Variants in PTPRK observed in about 807,000 individuals in gnomAD.
PTPRK encodes protein tyrosine phosphatase receptor type K, also known as receptor-type tyrosine-protein phosphatase kappa.
In PTPRK, 75 loss-of-function variants were observed where a neutral mutation model predicts 178.0. The ratio of observed to expected loss-of-function variants is 0.42; its 90% confidence interval spans 0.35 to 0.51. PTPRK has a LOEUF of 0.51. PTPRK is among the 20% of genes least tolerant of loss of function. PTPRK has a pLI of 0.02. For synonymous variants in PTPRK, 637 were observed against 620.6 expected (o/e 1.03, Z -0.39); for missense variants, 1,441 against 1,797.8 (o/e 0.80, Z 3.59).
rs138897398 is a variant in PTPRK, at chr6:128,210,116, G to T, written c.868+8806C>A. ...TATAGAAGTACACGAAAGAGAAGAT[G>T]GTGACAGAGACAAGTGGTGGCAGTG... On this transcript the variant is annotated intron_variant, in intron 6 of 29. Coordinates refer to ENST00000368226, the MANE Select transcript of PTPRK (RefSeq NM_002844.4). Among the ~76,000 whole-genome samples, 7 of 152,194 alleles carry T rather than the reference G, an allele frequency of 4.6e-5. No homozygotes were observed. In the East Asian group the frequency reaches 9.7e-4, roughly 21 times the overall value.
At chr6:128,062,004 T>C (rs1780920593) in intron 13 of PTPRK, 1 of 152,214 alleles carries the variant, frequency 6.6e-6, no homozygotes, top group African/African-American at 2.4e-5. Context: ...AGAAGGTTCC[T>C]TCATGCCTCT....
intron 2 of PTPRK, among the ~76,000 whole-genome samples, chr6:128,374,051 T>C (rs540800969): frequency 1.1e-4 from 16 of 152,294 alleles, no homozygotes; most frequent in African/African-American, 3.8e-4. Context: ...GTTTGTTATT[T>C]ATTTTCCTTC....
intron 1 of PTPRK, among the ~76,000 whole-genome samples, chr6:128,465,485 T>C (rs1849728654): frequency 2.0e-5 from 3 of 152,124 alleles, no homozygotes; most frequent in Non-Finnish European, 2.9e-5. Flanking sequence ...TCATATACCA[T>C]GTTTAAAAAA....
rs1784967231 is a variant in PTPRK at position 128,082,310 on chromosome 6, T to C, written c.1777+127A>G. 6 of 816,000 alleles carry C rather than the reference T, an allele frequency of 7.4e-6. 1 individual carries two copies. In the East Asian group the frequency reaches 1.5e-4, roughly 21 times the overall value. 50.5% of individuals were successfully genotyped at this position (816,000 alleles called of 1,614,324 possible). A position where few individuals can be genotyped will look rare whatever the true frequency, so the allele number is the denominator to read the frequency against. ...TAATTATTTAAAGTGCTTTCATTTA[T>C]GCATAACTATATTAAAGGTTCAACA... is the stretch of plus-strand genomic sequence containing the variant. On this transcript the variant is annotated intron_variant, in intron 10 of 29. Transcript: ENST00000368226.
At chr6:128,191,054 T>C (rs1317766709) in intron 6 of PTPRK, among the ~76,000 whole-genome samples, 1 of 152,066 alleles carries the variant, frequency 6.6e-6, no homozygotes, top group Non-Finnish European at 1.5e-5. Flanking sequence ...CTTACAATAT[T>C]TCACACACGA....
At chr6:128,501,864 T>A (rs1301826285) in intron 1 of PTPRK, among the ~76,000 whole-genome samples, 1 of 152,194 alleles carries the variant, frequency 6.6e-6, no homozygotes, top group Non-Finnish European at 1.5e-5. Flanking sequence ...TGAAAAAACA[T>A]GCTTTATATT....
Position 128,341,164 on chromosome 6 carries a change from T to C in PTPRK, c.224-18854A>G, listed in dbSNP as rs539523400. ...TTTTTTTTCTATATGTACTCTAAAA[T>C]GTGATACAGTTCACCCTTTCACTTA... is the stretch of plus-strand genomic sequence containing the variant. On this transcript the variant is annotated intron_variant, in intron 2 of 29. Coordinates refer to ENST00000368226, the MANE Select transcript of PTPRK (RefSeq NM_002844.4). Among the ~76,000 whole-genome samples, 46 of 152,240 alleles carry C rather than the reference T, an allele frequency of 3.0e-4. 1 individual carries two copies. The highest frequency in any genetic ancestry group is 1.1e-3 in the African/African-American group (46 of 41,558).
chr6:128,505,936 T>C (rs1389306665), intron 1 of PTPRK, among the ~76,000 whole-genome samples: 3 of 152,140 alleles, frequency 2.0e-5, no homozygotes, highest in Non-Finnish European at 4.4e-5. Context: ...GTCTTGGGGT[T>C]CAAATAGATT....
chr6:128,504,812 T>C (rs1856087165), intron 1 of PTPRK, among the ~76,000 whole-genome samples: 1 of 152,206 alleles, frequency 6.6e-6, no homozygotes, highest in Non-Finnish European at 1.5e-5. Flanking sequence ...TTAAGTATAC[T>C]ACTATCTAGT....
At chr6:128,334,023 A>G (rs916778785) in intron 2 of PTPRK, among the ~76,000 whole-genome samples, 1 of 152,136 alleles carries the variant, frequency 6.6e-6, no homozygotes, top group African/African-American at 2.4e-5. Context: ...AGGAAGAAAG[A>G]CGGGAACAGC....
intron 9 of PTPRK, 68 bp from the exon 10 acceptor site, chr6:128,082,706 TA>T: frequency 8.0e-7 from 1 of 1,247,298 alleles, no homozygotes; most frequent in Non-Finnish European, 1.1e-6. Flanking sequence ...AAACTCTGTA[TA>T]AATAAGGTAG....
intron 7 of PTPRK, among the ~76,000 whole-genome samples, chr6:128,111,904 A>C (rs1790728808): frequency 6.6e-6 from 1 of 152,060 alleles, no homozygotes; most frequent in African/African-American, 2.4e-5. Flanking sequence ...CCAGAACCTA[A>C]CATGATATCT....
chr6:128,462,949 G>A (rs866934480), intron 1 of PTPRK, among the ~76,000 whole-genome samples: 15 of 152,112 alleles, frequency 9.9e-5, no homozygotes, highest in African/African-American at 2.9e-4. Context: ...GGGAGCCACC[G>A]TGCCCAGTCA....
intron 1 of PTPRK, among the ~76,000 whole-genome samples, chr6:128,477,126 G>A (rs2128421569): frequency 6.6e-6 from 1 of 152,156 alleles, no homozygotes; most frequent in East Asian, 1.9e-4. Context: ...TTTAGAAAAA[G>A]TAACAAATTT....
At chr6:128,348,841 T>G (rs1832757363) in intron 2 of PTPRK, among the ~76,000 whole-genome samples, 1 of 151,998 alleles carries the variant, frequency 6.6e-6, no homozygotes, top group African/African-American at 2.4e-5. Context: ...TGAACACTGA[T>G]AAGAAAAATA....
intron 11 of PTPRK, among the ~76,000 whole-genome samples, chr6:128,069,448 T>C (rs547348695): frequency 1.2e-4 from 18 of 152,260 alleles, no homozygotes; most frequent in African/African-American, 3.9e-4. Flanking sequence ...TTTTAAGATA[T>C]AGAAAATACA....
At chr6:128,157,230 A>C (rs1309589897) in intron 7 of PTPRK, among the ~76,000 whole-genome samples, 1 of 151,934 alleles carries the variant, frequency 6.6e-6, no homozygotes, top group Non-Finnish European at 1.5e-5. Context: ...TAGGCTATTG[A>C]TTTTTCATAA....
In PTPRK at chr6:127,988,300, CTT is replaced by C. The variant is rs374249275; in HGVS notation, c.3097-2427_3097-2426del. Among the ~76,000 whole-genome samples the C allele has an allele frequency of 2.4e-4, 28 of 117,644 alleles. 1 individual carries two copies. Among genetic ancestry groups the C allele is most frequent in the Admixed American group, 2.0e-3 (22 of 11,186 alleles). 77.2% of individuals were successfully genotyped at this position (117,644 alleles called of 152,430 possible). A position where few individuals can be genotyped will look rare whatever the true frequency, so the allele number is the denominator to read the frequency against. ...ATTCTGTTATCATCATTATGCTAAC[CTT>C]TTTTTTTTTTTTTTTTTTTGAGACA... is the stretch of plus-strand genomic sequence containing the variant. On this transcript the variant is annotated intron_variant, in intron 21 of 29. Coordinates refer to ENST00000368226, the MANE Select transcript of PTPRK (RefSeq NM_002844.4).
At chr6:128,422,692 A>C (rs1183783211) in intron 1 of PTPRK, among the ~76,000 whole-genome samples, 118 of 150,768 alleles carry the variant, frequency 7.8e-4, no homozygotes, top group Non-Finnish European at 1.4e-3. Flanking sequence ...AAAAAAAAAA[A>C]AAAAAAAAAA....
Sources: allele counts gnomAD v4.1 joint callset (sites outside exome capture counted in the v4.1 genomes callset), GRCh38; gene constraint gnomAD v4.1.1; transcripts MANE v1.5; gene names NCBI Gene and HGNC (gene_info 2026-07-23, HGNC 2026-07-21).